Variants in MID1 observed in about 807,000 individuals in gnomAD.
The protein encoded by MID1 is E3 ubiquitin-protein ligase Midline-1.
MID1 carries 7 observed loss-of-function variants against 40.4 expected under a neutral mutation model. That is an observed-to-expected ratio of 0.17 (90% CI 0.10 to 0.33). The LOEUF (loss-of-function observed/expected upper bound fraction) is 0.33. Among genes scored for constraint, MID1 ranks in the 10% least tolerant of loss-of-function variants. MID1 has a pLI of 1.00. For synonymous variants in MID1, 229 were observed against 221.2 expected (o/e 1.04, Z -0.31); for missense variants, 367 against 558.5 (o/e 0.66, Z 3.46).
chrX:10,631,244 A>C (rs974559458), intron 1 of MID1, among the ~76,000 whole-genome samples: 3 of 111,338 alleles, frequency 2.7e-5, no homozygotes, highest in African/African-American at 9.9e-5. Flanking sequence ...ATATCCCTCA[A>C]AGTTATTGTG....
chrX:10,665,545 TGAGACAGATTCTTGC>T (rs2042944566), intron 1 of MID1, among the ~76,000 whole-genome samples: 1 of 107,655 alleles, frequency 9.3e-6, no homozygotes, highest in Non-Finnish European at 1.9e-5. Flanking sequence ...TTTTTTTTTT[TGAGACAGATTCTTGC>T]TTTGTCGCCC....
chrX:10,753,172 C>T (rs1432092732), intron 1 of MID1, among the ~76,000 whole-genome samples: 1 of 112,231 alleles, frequency 8.9e-6, no homozygotes, highest in Non-Finnish European at 1.9e-5. Flanking sequence ...GCTTGCAGAA[C>T]GGTGGCAGTA....
chrX:10,796,433 T>C (rs1276851945), intron 1 of MID1, among the ~76,000 whole-genome samples: 1 of 106,976 alleles, frequency 9.3e-6, no homozygotes, highest in Non-Finnish European at 2.0e-5. Context: ...TTCAGTTTTT[T>C]TTTTAATGAT....
In MID1 at chrX:10,448,655, T is replaced by C. The variant is rs1928143687; in HGVS notation, c.*713A>G. ...ATTCTTAATGTTCTTCCAGAACCCT[T>C]AACCCTGAGAGAAGCAGGGCAAAAT... On this transcript the variant is annotated 3_prime_UTR_variant, in exon 10 of 10. Transcript: ENST00000317552. 8.9e-6 allele frequency: 1 copy of C among 112,234 alleles called. No individual in the cohort carries two copies. The highest frequency in any genetic ancestry group is 3.2e-5 in the African/African-American group (1 of 30,869). 9.2% of individuals were successfully genotyped at this position (112,234 alleles called of 1,213,427 possible). A position where few individuals can be genotyped will look rare whatever the true frequency, so the allele number is the denominator to read the frequency against.
intron 1 of MID1, among the ~76,000 whole-genome samples, chrX:10,596,903 T>A (rs1015128531): frequency 2.7e-5 from 3 of 111,265 alleles, no homozygotes; most frequent in Non-Finnish European, 5.7e-5. Flanking sequence ...TTAAGAAGAA[T>A]GCAACAATAA....
chrX:10,611,209 T>C (rs1444629370), intron 1 of MID1, among the ~76,000 whole-genome samples: 1 of 112,300 alleles, frequency 8.9e-6, no homozygotes, highest in African/African-American at 3.2e-5. Context: ...ATTATACTTG[T>C]AAATTTGATG....
Position 10,567,472 on chromosome X carries a change from C to T in MID1, c.76G>A (p.Ala26Thr). The change falls in exon 2 of 10, where the codon GCA becomes ACA. Residue 26 changes from alanine (A) to threonine (T), a missense_variant. By Grantham distance (58) the Ala-to-Thr change is moderately conservative. Around this residue, in one of 3 missense-constraint regions of MID1, gnomAD observed 78 missense variants for 112.6 expected, o/e 0.69. Transcript: ENST00000317552. The stretch of plus-strand genomic sequence containing the variant: ...GCGCAGTTGAAGCAGAGGCTGTGTG[C>T]GCAGGGCAGTAGAAGAGGGTCCTCA... ...LFEDPLLLPCAHSLCFNCAHR... is the reference protein window; with the variant it reads ...LFEDPLLLPCTHSLCFNCAHR... 2.5e-6 allele frequency: 3 copies of T among 1,211,263 alleles called. No individual in the cohort carries two copies. Among genetic ancestry groups the T allele is most frequent in the Non-Finnish European group, 2.2e-6 (2 of 895,312 alleles).
chrX:10,811,283 TTGAC>T (rs2044099084), intron 1 of MID1, among the ~76,000 whole-genome samples: 1 of 112,354 alleles, frequency 8.9e-6, no homozygotes, highest in African/African-American at 3.2e-5. Flanking sequence ...GTTGCTGCCT[TTGAC>T]TGCGTAATTT....
chrX:10,452,874 G>T (rs947177456), intron 9 of MID1, among the ~76,000 whole-genome samples: 5 of 111,630 alleles, frequency 4.5e-5, no homozygotes, highest in Non-Finnish European at 9.4e-5. Flanking sequence ...TTCATCAATG[G>T]CAATGAGATC....
chrX:10,592,835 T>C (rs1451063595), intron 1 of MID1, among the ~76,000 whole-genome samples: 1 of 111,924 alleles, frequency 8.9e-6, no homozygotes, highest in African/African-American at 3.2e-5. Flanking sequence ...AAAATCCTAA[T>C]TGAAACATTT....
intron 1 of MID1, among the ~76,000 whole-genome samples, chrX:10,613,940 A>T (rs993252623): frequency 1.9e-5 from 2 of 107,619 alleles, no homozygotes; most frequent in Non-Finnish European, 3.8e-5. Context: ...TTTCTTCTTC[A>T]TATCCCTTCG....
At chrX:10,637,623 T>TAAAA (rs1235106806) in intron 1 of MID1, among the ~76,000 whole-genome samples, 1 of 94,660 alleles carries the variant, frequency 1.1e-5, no homozygotes. Flanking sequence ...AGACTCCATC[T>TAAAA]AAAAAAAAAA....
intron 1 of MID1, among the ~76,000 whole-genome samples, chrX:10,653,167 T>C (rs1936335257): frequency 8.9e-6 from 1 of 112,272 alleles, no homozygotes; most frequent in African/African-American, 3.2e-5. Context: ...AGCTTCCTGC[T>C]TCCCCCAGCT....
At chrX:10,813,048 T>G (rs973304402) in intron 1 of MID1, among the ~76,000 whole-genome samples, 2 of 111,078 alleles carry the variant, frequency 1.8e-5, no homozygotes, top group African/African-American at 6.6e-5. Context: ...ACATAGTTCA[T>G]CCTATAATTG....
chrX:10,736,457 C>T (rs1183555877), intron 1 of MID1, among the ~76,000 whole-genome samples: 1 of 111,991 alleles, frequency 8.9e-6, no homozygotes, highest in East Asian at 2.8e-4. Context: ...TTGTTCAATA[C>T]TGCAGCTCCC....
intron 1 of MID1, among the ~76,000 whole-genome samples, chrX:10,787,542 C>T (rs1254033839): frequency 7.5e-5 from 2 of 26,738 alleles, no homozygotes; most frequent in African/African-American, 1.5e-4. Flanking sequence ...CCCCTCCCCT[C>T]CCCTCCCCTC....
At chrX:10,526,292 TAACAACAAC>T (rs371728204) in intron 2 of MID1, among the ~76,000 whole-genome samples, 1 of 110,208 alleles carries the variant, frequency 9.1e-6, no homozygotes, top group Non-Finnish European at 1.9e-5. Flanking sequence ...AACTTGCTTT[TAACAACAAC>T]AACAACAACA....
chrX:10,744,030 G>A (rs769578939), intron 1 of MID1, among the ~76,000 whole-genome samples: 8 of 111,358 alleles, frequency 7.2e-5, no homozygotes, highest in Admixed American at 9.6e-5. Flanking sequence ...GAAGGAAGAC[G>A]CAAATGAAAG....
At chrX:10,738,995 T>C (rs1412139012) in intron 1 of MID1, among the ~76,000 whole-genome samples, 1 of 110,010 alleles carries the variant, frequency 9.1e-6, no homozygotes, top group Non-Finnish European at 1.9e-5. Flanking sequence ...AACCCTAAAC[T>C]CTCATCCTGT....
Sources: gnomAD v4.1 joint callset for allele counts (sites outside exome capture counted in the v4.1 genomes callset) on GRCh38, gnomAD v4.1.1 for gene constraint, gnomAD v4.1.1 regional missense constraint, MANE v1.5 for transcripts, NCBI Gene and HGNC (gene_info 2026-07-23, HGNC 2026-07-21) for gene names.